OPCML: variants seen among roughly 807,000 people sequenced by gnomAD.
The protein encoded by OPCML is opioid-binding protein/cell adhesion molecule.
OPCML carries 13 observed loss-of-function variants against 37.8 expected under a neutral mutation model. The observed-to-expected ratio is 0.34, with a 90% CI of 0.22 to 0.55. The LOEUF (loss-of-function observed/expected upper bound fraction) is 0.55. OPCML is among the 20% of genes least tolerant of loss of function. The pLI is 0.91. For synonymous variants in OPCML, 176 were observed against 168.8 expected (o/e 1.04, Z -0.33); for missense variants, 341 against 435.6 (o/e 0.78, Z 1.93).
chr11:133,000,983 C>G (rs1209019707), intron 1 of OPCML, among the ~76,000 whole-genome samples: 1 of 152,190 alleles, frequency 6.6e-6, no homozygotes, highest in Non-Finnish European at 1.5e-5. Context: ...CCATGTGATA[C>G]ACTGCTTCCC....
chr11:133,355,873 CTCTG>C (rs1332107578), intron 1 of OPCML, among the ~76,000 whole-genome samples: 1 of 152,184 alleles, frequency 6.6e-6, no homozygotes, highest in South Asian at 2.1e-4. Context: ...TTCACAGGGT[CTCTG>C]TCTGTGCAGA....
At chr11:133,201,319 A>T (rs1383490679) in intron 1 of OPCML, among the ~76,000 whole-genome samples, 3 of 99,522 alleles carry the variant, frequency 3.0e-5, no homozygotes, top group Admixed American at 1.9e-4. Context: ...TTTTTTTTTT[A>T]CCATTGAATT....
At chr11:132,681,618 T>G (rs1418517654) in intron 2 of OPCML, among the ~76,000 whole-genome samples, 2 of 152,000 alleles carry the variant, frequency 1.3e-5, no homozygotes, top group Non-Finnish European at 2.9e-5. Context: ...GCAACCTCAT[T>G]CCTCCGGGAT....
chr11:132,417,807 G>A lies in OPCML; in HGVS notation c.*2386C>T, dbSNP rs1294603030. ...CTGAAGGTGGTGACAGATCTGAAAC[G>A]TCTATGTGCGACCTTTAATTCTGAT... On this transcript the variant is annotated 3_prime_UTR_variant, in exon 8 of 8. Coordinates refer to ENST00000524381, the MANE Select transcript of OPCML (RefSeq NM_001012393.5). 1 of 152,190 alleles carries A rather than the reference G, an allele frequency of 6.6e-6. No homozygotes were observed. The highest frequency in any genetic ancestry group is 1.5e-5 in the Non-Finnish European group (1 of 68,036). The allele number at this position is 152,190 out of a possible 1,614,324, so 9.4% of individuals were successfully genotyped here. A position where few individuals can be genotyped will look rare whatever the true frequency, so the allele number is the denominator to read the frequency against.
intron 1 of OPCML, among the ~76,000 whole-genome samples, chr11:133,222,850 A>G (rs540845206): frequency 6.6e-6 from 1 of 152,270 alleles, no homozygotes; most frequent in South Asian, 2.1e-4. Flanking sequence ...GTCATTAATC[A>G]AACACGGGCT....
chr11:132,857,945 G>A (rs577442698), intron 2 of OPCML, among the ~76,000 whole-genome samples: 1 of 152,228 alleles, frequency 6.6e-6, no homozygotes, highest in Non-Finnish European at 1.5e-5. Context: ...TGGGGAGACA[G>A]GTGTGGGTGA....
chr11:132,508,731 G>A (rs1335835077), intron 4 of OPCML, among the ~76,000 whole-genome samples: 1 of 152,158 alleles, frequency 6.6e-6, no homozygotes, highest in Non-Finnish European at 1.5e-5. Flanking sequence ...CACCATGTAA[G>A]AAGTGCCTTT....
At chr11:132,436,842 G>C in intron 5 of OPCML, 63 bp from the exon 6 acceptor site, 32 of 1,570,210 alleles carry the variant, frequency 2.0e-5, no homozygotes, top group Non-Finnish European at 2.8e-5. Context: ...GAGTGATTTC[G>C]TGAAAGAGAT....
chr11:133,044,673 G>A (rs1356251976), intron 1 of OPCML, among the ~76,000 whole-genome samples: 2 of 152,186 alleles, frequency 1.3e-5, no homozygotes, highest in African/African-American at 2.4e-5. Context: ...TTATAAATGA[G>A]GAAACTGAGG....
At position 133,263,630 on chromosome 11, in the gene OPCML, C is replaced by T. The variant is rs141325244; in HGVS notation, c.61+268634G>A. On this transcript the variant is annotated intron_variant, in intron 1 of 7. Coordinates refer to ENST00000524381, the MANE Select transcript of OPCML (RefSeq NM_001012393.5). ...AGTGTGTAACTGTAGTTACTATGCACTGGGTCCTCACTTGTTTCTCATGAG... is the reference window on the plus strand; with the variant it reads ...AGTGTGTAACTGTAGTTACTATGCATTGGGTCCTCACTTGTTTCTCATGAG... 8.9e-4 allele frequency among the ~76,000 whole-genome samples: 136 copies of T among 152,248 alleles called. 3 individuals are homozygous for T. In the East Asian group the frequency reaches 0.022, roughly 25 times the overall value.
chr11:133,364,179 G>A (rs750970549), intron 1 of OPCML, among the ~76,000 whole-genome samples: 10 of 152,192 alleles, frequency 6.6e-5, no homozygotes, highest in Non-Finnish European at 1.5e-4. Flanking sequence ...GAGCAAGTAC[G>A]ACTATCAAAT....
intron 1 of OPCML, among the ~76,000 whole-genome samples, chr11:132,980,003 T>C (rs1447377135): frequency 6.6e-6 from 1 of 152,200 alleles, no homozygotes; most frequent in African/African-American, 2.4e-5. Flanking sequence ...AGTCTAGATG[T>C]TAGAGAGAGG....
At chr11:133,367,030 G>A (rs76875079) in intron 1 of OPCML, among the ~76,000 whole-genome samples, 3,998 of 152,212 alleles carry the variant, frequency 0.026, 99 homozygotes, top group African/African-American at 0.071. Context: ...AGGCTGGAGT[G>A]CAGTGGTGCG....
At chr11:132,428,998 C>A (rs115514882) in intron 7 of OPCML, among the ~76,000 whole-genome samples, 1,627 of 151,726 alleles carry the variant, frequency 0.011, 26 homozygotes, top group African/African-American at 0.036. Context: ...ACAGTAGGCA[C>A]TAAACAAATA....
chr11:133,462,409 G>GGAGT (rs1177216279), intron 1 of OPCML, among the ~76,000 whole-genome samples: 1 of 151,848 alleles, frequency 6.6e-6, no homozygotes, highest in East Asian at 1.9e-4. Context: ...TGCAACCTAT[G>GGAGT]GAGTAAAAAC....
Position 133,477,035 on chromosome 11 carries a change from T to C in OPCML, c.61+55229A>G, listed in dbSNP as rs139322166. Among the ~76,000 whole-genome samples the C allele has an allele frequency of 6.6e-5, 10 of 152,254 alleles. No homozygotes were observed. In the East Asian group the frequency reaches 1.7e-3, roughly 27 times the overall value. ...ACAGGACCCTTGGGAAATGCACAGCTTAACTGCGCACAACCCTCCCTGAGG... is the reference window on the plus strand; with the variant it reads ...ACAGGACCCTTGGGAAATGCACAGCCTAACTGCGCACAACCCTCCCTGAGG... On this transcript the variant is annotated intron_variant, in intron 1 of 7. Coordinates refer to ENST00000524381, the MANE Select transcript of OPCML (RefSeq NM_001012393.5).
rs147600886 is a variant in OPCML, at chr11:133,255,779, C to T, written c.61+276485G>A. ...TCACACTTTACTAGATAAGCAGGCA[C>T]TTTTAAGGCTTAAAACCCCTATGGC... On this transcript the variant is annotated intron_variant, in intron 1 of 7. Transcript: ENST00000524381. 3.3e-3 allele frequency among the ~76,000 whole-genome samples: 503 copies of T among 152,214 alleles called. 3 individuals are homozygous for T. The highest frequency in any genetic ancestry group is 0.012 in the African/African-American group (483 of 41,522).
In OPCML at chr11:132,419,888, AATG is replaced by A; in HGVS notation, c.*302_*304del. On this transcript the variant is annotated 3_prime_UTR_variant, in exon 8 of 8. Coordinates refer to ENST00000524381, the MANE Select transcript of OPCML (RefSeq NM_001012393.5). ...GTGTGTGGCAGAGGATGTTGTTGGG[AATG>A]ATGATGAGGAGAGAAGCAGAGGAAA... 3.1e-6 allele frequency: 1 copy of A among 321,134 alleles called. No homozygotes were observed. Among genetic ancestry groups the A allele is most frequent in the Non-Finnish European group, 5.7e-6 (1 of 174,282 alleles). 19.9% of individuals were successfully genotyped at this position (321,134 alleles called of 1,614,324 possible).
intron 1 of OPCML, among the ~76,000 whole-genome samples, chr11:133,248,548 A>T (rs576664090): frequency 6.6e-6 from 1 of 152,318 alleles, no homozygotes; most frequent in East Asian, 1.9e-4. Flanking sequence ...TGTGGTGTTA[A>T]ATTGTTTCCC....
Sources: allele counts gnomAD v4.1 joint callset (sites outside exome capture counted in the v4.1 genomes callset), GRCh38; gene constraint gnomAD v4.1.1; transcripts MANE v1.5; gene names NCBI Gene and HGNC (gene_info 2026-07-23, HGNC 2026-07-21).